The following CLVS1 variants were observed in gnomAD, a reference collection of about 807,000 sequenced individuals.
The protein encoded by CLVS1 is clavesin 1.
A neutral mutation model predicts 33.1 loss-of-function variants in CLVS1; 10 were observed. The observed-to-expected ratio is 0.30, with a 90% CI of 0.19 to 0.51. CLVS1 has a LOEUF of 0.51. Among genes scored for constraint, CLVS1 ranks in the 20% least tolerant of loss-of-function variants. The probability of loss-of-function intolerance (pLI) is 0.97; values close to 1 mark genes in which losing one functional copy is unlikely to be tolerated. For synonymous variants in CLVS1, 163 were observed against 166.1 expected (o/e 0.98, Z 0.14); for missense variants, 343 against 433.4 (o/e 0.79, Z 1.85).
At chr8:61,299,475 A>G (rs1328344390) in intron 1 of CLVS1, among the ~76,000 whole-genome samples, 1 of 152,202 alleles carries the variant, frequency 6.6e-6, no homozygotes, top group Non-Finnish European at 1.5e-5. Flanking sequence ...AAATATTTGC[A>G]TGTTAGATTT....
At chr8:61,114,826 A>G (rs1374792904) in intron 1 of CLVS1, among the ~76,000 whole-genome samples, 3 of 152,242 alleles carry the variant, frequency 2.0e-5, no homozygotes, top group African/African-American at 7.2e-5. Flanking sequence ...CACTGAGTAC[A>G]TACTACTCTC....
chr8:61,249,168 A>C (rs1308191036), intron 2 of CLVS1, among the ~76,000 whole-genome samples: 5 of 151,942 alleles, frequency 3.3e-5, no homozygotes, highest in African/African-American at 1.2e-4. Flanking sequence ...TGTGATGCAA[A>C]CACTGGGTTT....
chr8:61,484,407 A>C (rs898350721), intron 5 of CLVS1, among the ~76,000 whole-genome samples: 1 of 152,162 alleles, frequency 6.6e-6, no homozygotes, highest in African/African-American at 2.4e-5. Context: ...GACTTATTCA[A>C]GGAGAACTAC....
At chr8:61,003,487 G>A in the CLVS1 span, among the ~76,000 whole-genome samples, 1 of 152,156 alleles carries the variant, frequency 6.6e-6, no homozygotes, top group South Asian at 2.1e-4. Context: ...TAATAAAGCA[G>A]CTCCCAGCCA....
At chr8:61,417,633 A>G (rs1265493544) in intron 3 of CLVS1, among the ~76,000 whole-genome samples, 2 of 152,246 alleles carry the variant, frequency 1.3e-5, no homozygotes, top group African/African-American at 2.4e-5. Context: ...GGCATAAAAT[A>G]TAAAAAGCTA....
chr8:61,221,048 C>T (rs972405652), intron 2 of CLVS1, among the ~76,000 whole-genome samples: 6 of 152,086 alleles, frequency 3.9e-5, no homozygotes, highest in African/African-American at 9.7e-5. Flanking sequence ...CCTGAGACTT[C>T]GCTGAAGTTG....
At chr8:61,322,010 T>A (rs1310725525) in intron 2 of CLVS1, among the ~76,000 whole-genome samples, 1 of 152,114 alleles carries the variant, frequency 6.6e-6, no homozygotes, top group African/African-American at 2.4e-5. Flanking sequence ...TTTAACCTAT[T>A]TTTTTATGGT....
intron 2 of CLVS1, among the ~76,000 whole-genome samples, chr8:61,141,176 G>A (rs889225580): frequency 6.6e-6 from 1 of 152,086 alleles, no homozygotes; most frequent in Admixed American, 6.5e-5. Context: ...AGCCCTCTAG[G>A]TCCTCCATAT....
chr8:61,112,799 C>CT (rs149797760), intron 1 of CLVS1, among the ~76,000 whole-genome samples: 4 of 151,116 alleles, frequency 2.6e-5, no homozygotes, highest in Admixed American at 6.6e-5. Flanking sequence ...CTGTAGTTTC[C>CT]TTTTTTTTTA....
chr8:61,214,487 C>T (rs1357496030), intron 2 of CLVS1, among the ~76,000 whole-genome samples: 1 of 152,128 alleles, frequency 6.6e-6, no homozygotes, highest in Non-Finnish European at 1.5e-5. Flanking sequence ...ACTATCGGGG[C>T]AGGTTCCCCA....
the CLVS1 span, among the ~76,000 whole-genome samples, chr8:61,036,276 T>A: frequency 6.6e-6 from 1 of 152,322 alleles, no homozygotes; most frequent in Non-Finnish European, 1.5e-5. Flanking sequence ...TCGAGAACAA[T>A]GCAGCCTTCT....
chr8:61,205,410 G>A lies in CLVS1; in HGVS notation c.-152+73550G>A, dbSNP rs149159913. Among the ~76,000 whole-genome samples the A allele has an allele frequency of 1.5e-3, 223 of 152,308 alleles. 1 individual carries two copies. In the East Asian group the frequency reaches 0.015, roughly 10 times the overall value. On this transcript the variant is annotated intron_variant, in intron 2 of 2. Coordinates refer to the CLVS1 transcript ENST00000522621. ...TTTCGTGTTGCATAAAGACTTCAGT[G>A]TTCGTGAATGTTGCAGCATGTGTCA... is the stretch of plus-strand genomic sequence containing the variant.
intron 1 of CLVS1, among the ~76,000 whole-genome samples, chr8:61,061,321 CT>C (rs1185445091): frequency 3.3e-5 from 5 of 152,158 alleles, no homozygotes; most frequent in African/African-American, 7.2e-5. Context: ...GAGGCTCTTT[CT>C]TTTTCTTGCT....
intron 2 of CLVS1, among the ~76,000 whole-genome samples, chr8:61,365,379 T>C (rs1813156444): frequency 6.6e-6 from 1 of 152,000 alleles, no homozygotes. Context: ...ATATAAAAAT[T>C]AGCTGGGTGT....
intron 1 of CLVS1, among the ~76,000 whole-genome samples, chr8:61,288,932 A>T (rs1050357722): frequency 6.6e-6 from 1 of 152,274 alleles, no homozygotes; most frequent in Non-Finnish European, 1.5e-5. Flanking sequence ...GAATAAAAAT[A>T]AAAATGATGG....
At chr8:61,392,842 C>CAAAAAAAAAAAAAA (rs570764748) in intron 3 of CLVS1, among the ~76,000 whole-genome samples, 2 of 149,488 alleles carry the variant, frequency 1.3e-5, no homozygotes, top group African/African-American at 5.0e-5. Context: ...GACTCTGTCT[C>CAAAAAAAAAAAAAA]AAAAAAAACA....
chr8:61,047,726 G>A, the CLVS1 span, among the ~76,000 whole-genome samples: 3 of 152,134 alleles, frequency 2.0e-5, no homozygotes, highest in African/African-American at 4.8e-5. Context: ...CTCACTCATA[G>A]GTGGGAATTG....
chr8:61,049,540 C>A, the CLVS1 span, among the ~76,000 whole-genome samples: 1 of 152,146 alleles, frequency 6.6e-6, no homozygotes, highest in East Asian at 1.9e-4. Flanking sequence ...GTCACCTTTA[C>A]CACAATCTGA....
intron 2 of CLVS1, among the ~76,000 whole-genome samples, chr8:61,197,335 G>A (rs571011591): frequency 4.7e-4 from 71 of 152,236 alleles, no homozygotes; most frequent in Middle Eastern, 3.4e-3. Flanking sequence ...ATTCACTGTA[G>A]ACATATGGAT....
Sources: allele counts gnomAD v4.1 joint callset (sites outside exome capture counted in the v4.1 genomes callset), GRCh38; gene constraint gnomAD v4.1.1; transcripts MANE v1.5; gene names NCBI Gene and HGNC (gene_info 2026-07-23, HGNC 2026-07-21).